DAB2IP: variants seen among roughly 807,000 people sequenced by gnomAD.
DAB2IP encodes the protein DAB2 interacting protein.
DAB2IP carries 28 observed loss-of-function variants against 107.2 expected under a neutral mutation model. That is an observed-to-expected ratio of 0.26 (90% CI 0.19 to 0.36). The LOEUF (loss-of-function observed/expected upper bound fraction) is 0.36, where lower values mean the gene tolerates loss of function less well. Among genes scored for constraint, DAB2IP ranks in the 10% least tolerant of loss-of-function variants. The pLI, the probability that DAB2IP is intolerant of heterozygous loss-of-function variation, is 1.00. For missense variants in DAB2IP, 1,400 were observed against 1,644.7 expected (o/e 0.85, Z 2.57); for synonymous variants, 755 against 706.4 (o/e 1.07, Z -1.09).
intron 1 of DAB2IP, among the ~76,000 whole-genome samples, chr9:121,610,852 CT>C (rs1050838597): frequency 9.2e-5 from 14 of 152,280 alleles, no homozygotes; most frequent in African/African-American, 2.4e-4. Context: ...TTTCCACCCC[CT>C]GTAGGTCACT....
chr9:121,746,816 G>A (rs1029922735), intron 3 of DAB2IP, among the ~76,000 whole-genome samples: 9 of 152,174 alleles, frequency 5.9e-5, no homozygotes, highest in Admixed American at 2.0e-4. Context: ...CTTGGGTCTC[G>A]CATCCCCAGG....
chr9:121,597,159 T>C (rs191428276), intron 1 of DAB2IP, among the ~76,000 whole-genome samples: 91 of 152,364 alleles, frequency 6.0e-4, no homozygotes, highest in African/African-American at 2.1e-3. Context: ...AAGTTTTGAA[T>C]TTTAATTAAA....
At chr9:121,670,417 G>A (rs1354505478) in intron 1 of DAB2IP, among the ~76,000 whole-genome samples, 1 of 152,240 alleles carries the variant, frequency 6.6e-6, no homozygotes, top group Non-Finnish European at 1.5e-5. Context: ...CAAGGTGTCA[G>A]CAGGCTGCGT....
chr9:121,782,695 C>A lies in DAB2IP; in HGVS notation c.*197C>A. ...ACTGAAGCAGCGTGAGGCGAGGTCA[C>A]CAGCCGCTCCCTGTGGGGTGCGGGC... On this transcript the variant is annotated 3_prime_UTR_variant, in exon 16 of 16. Transcript: ENST00000408936. This position sits in a 1 kb window ranked among gnomAD's most constrained non-coding sequence, Gnocchi z 6.1. 1 of 1,421,404 alleles carries A rather than the reference C, an allele frequency of 7.0e-7. No homozygotes were observed. 88.0% of individuals were successfully genotyped at this position (1,421,404 alleles called of 1,614,324 possible).
intron 1 of DAB2IP, among the ~76,000 whole-genome samples, chr9:121,603,633 T>C (rs1246175530): frequency 1.3e-5 from 2 of 152,166 alleles, no homozygotes; most frequent in African/African-American, 4.8e-5. Context: ...GTTGTGGCTT[T>C]GGTGCCAGAG....
chr9:121,685,588 G>T lies in DAB2IP; in HGVS notation c.228+6807G>T, dbSNP rs114270486. On this transcript the variant is annotated intron_variant, in intron 2 of 15. Transcript: ENST00000408936. The stretch of plus-strand genomic sequence containing the variant: ...CAGCTGGTGGGTGGTAGGGGCAGGA[G>T]CCCAGCTCTCGTCTGCGAGCCTTGC... Among the ~76,000 whole-genome samples the T allele has an allele frequency of 4.2e-3, 639 of 152,362 alleles. 10 individuals are homozygous for T. The highest frequency in any genetic ancestry group is 0.015 in the African/African-American group (628 of 41,580).
intron 3 of DAB2IP, among the ~76,000 whole-genome samples, chr9:121,755,789 A>G (rs1324253444): frequency 6.6e-6 from 1 of 152,150 alleles, no homozygotes; most frequent in Non-Finnish European, 1.5e-5. Flanking sequence ...ATGAGTGTAC[A>G]GGGTATGCAT....
intron 13 of DAB2IP, 126 bp downstream of exon 13, chr9:121,774,538 G>A: frequency 8.9e-7 from 1 of 1,119,616 alleles, no homozygotes; most frequent in East Asian, 2.7e-5. Flanking sequence ...CGTCACCTCT[G>A]AGCCCCTGTT....
intron 3 of DAB2IP, among the ~76,000 whole-genome samples, chr9:121,754,732 G>T (rs1397102835): frequency 3.9e-5 from 6 of 152,014 alleles, no homozygotes; most frequent in African/African-American, 1.4e-4. Context: ...TTGGGGTCTG[G>T]CCTGGGCCTG....
intron 1 of DAB2IP, among the ~76,000 whole-genome samples, chr9:121,596,428 T>C (rs1830532277): frequency 6.6e-6 from 1 of 152,194 alleles, no homozygotes; most frequent in South Asian, 2.1e-4. Flanking sequence ...GGTGGTAGTA[T>C]TACCTGAGCA....
chr9:121,682,232 T>A (rs1245174285), intron 2 of DAB2IP, among the ~76,000 whole-genome samples: 1 of 152,192 alleles, frequency 6.6e-6, no homozygotes, highest in African/African-American at 2.4e-5. Flanking sequence ...TTGCTCTGTG[T>A]AGACCCTCGA....
At chr9:121,656,049 C>T (rs1832958338) in intron 1 of DAB2IP, among the ~76,000 whole-genome samples, 1 of 150,874 alleles carries the variant, frequency 6.6e-6, no homozygotes, top group African/African-American at 2.4e-5. Flanking sequence ...GCTTTTGTTA[C>T]CCAGGCTGGA....
Position 121,776,496 on chromosome 9 carries a change from A to C in DAB2IP, c.3314+105A>C. 1 of 1,246,506 alleles carries C rather than the reference A, an allele frequency of 8.0e-7. No homozygotes were observed. The highest frequency in any genetic ancestry group is 1.1e-6 in the Non-Finnish European group (1 of 919,416). The allele number at this position is 1,246,506 out of a possible 1,614,324, so 77.2% of individuals were successfully genotyped here. ...GGAGCCTCCTCAAAGGATAAGCTGA[A>C]TGTGGAGAGAGGAGGGAAGAGAGTG... On this transcript the variant is annotated intron_variant, in intron 14 of 15. Coordinates refer to ENST00000408936, the Ensembl canonical transcript of DAB2IP. This position sits in a 1 kb window ranked among gnomAD's most constrained non-coding sequence, Gnocchi z 5.4.
intron 1 of DAB2IP, among the ~76,000 whole-genome samples, chr9:121,620,772 C>T (rs1333895019): frequency 5.3e-5 from 8 of 152,126 alleles, no homozygotes; most frequent in African/African-American, 2.4e-5. Context: ...GGTCCTAACC[C>T]GGGTACCCTC....
At chr9:121,647,882 G>C (rs1369435280), upstream of DAB2IP, among the ~76,000 whole-genome samples, 1 of 148,666 alleles carries the variant, frequency 6.7e-6, no homozygotes, top group Non-Finnish European at 1.5e-5. Context: ...TATATATACG[G>C]GTATATATGT....
intron 1 of DAB2IP, among the ~76,000 whole-genome samples, chr9:121,576,766 G>A (rs1009080422): frequency 1.3e-5 from 2 of 152,080 alleles, no homozygotes; most frequent in Non-Finnish European, 2.9e-5. Context: ...GGGGGGGAGG[G>A]GAAACGATGT....
intron 1 of DAB2IP, among the ~76,000 whole-genome samples, chr9:121,620,556 G>A (rs1281647215): frequency 2.0e-5 from 3 of 152,140 alleles, no homozygotes; most frequent in African/African-American, 7.2e-5. Context: ...TACATATCAG[G>A]TCCCTGGTTA....
intron 14 of DAB2IP, among the ~76,000 whole-genome samples, chr9:121,780,178 GC>G (rs1835505632): frequency 6.6e-6 from 1 of 152,132 alleles, no homozygotes; most frequent in African/African-American, 2.4e-5. Context: ...GAGCCAATGT[GC>G]CCGGCCCTAT....
chr9:121,734,095 G>GAAAGGAGCCTGCAAGCGGTTATGCA (rs1405336410), intron 3 of DAB2IP, among the ~76,000 whole-genome samples: 1 of 151,518 alleles, frequency 6.6e-6, no homozygotes. Context: ...AGATGTTGCT[G>GAAAGGAGCCTGCAAGCGGTTATGCA]GGCCGGGCGC....
Sources: allele counts gnomAD v4.1 joint callset (sites outside exome capture counted in the v4.1 genomes callset), GRCh38; gene constraint gnomAD v4.1.1; non-coding constraint Gnocchi (gnomAD v3.1); transcripts MANE v1.5; gene names NCBI Gene and HGNC (gene_info 2026-07-23, HGNC 2026-07-21).